Variants in NRXN3 observed in about 807,000 individuals in gnomAD.
NRXN3 encodes neurexin 3.
A neutral mutation model predicts 137.6 loss-of-function variants in NRXN3; 32 were observed. The observed-to-expected ratio is 0.23, with a 90% CI of 0.18 to 0.31. NRXN3 has a LOEUF of 0.31. NRXN3 is among the 10% of genes least tolerant of loss of function. The pLI, the probability that NRXN3 is intolerant of heterozygous loss-of-function variation, is 1.00. For synonymous variants in NRXN3, 798 were observed against 784.5 expected (o/e 1.02, Z -0.29); for missense variants, 1,574 against 2,062.5 (o/e 0.76, Z 4.59).
chr14:78,327,804 G>A (rs2080286516), intron 4 of NRXN3, among the ~76,000 whole-genome samples: 1 of 152,142 alleles, frequency 6.6e-6, no homozygotes, highest in Admixed American at 6.5e-5. Context: ...AAGATAACAG[G>A]AGTGGGAGCC....
intron 15 of NRXN3, among the ~76,000 whole-genome samples, chr14:79,352,261 A>G (rs998905222): frequency 1.3e-5 from 2 of 152,112 alleles, no homozygotes; most frequent in Admixed American, 6.5e-5. Flanking sequence ...CTGGCTAATC[A>G]TCCAGATGTT....
chr14:78,873,521 A>G lies in NRXN3; in HGVS notation c.2275+63177A>G, dbSNP rs154309. Among the ~76,000 whole-genome samples, 1,320 of 152,336 alleles carry G rather than the reference A, an allele frequency of 8.7e-3. 15 individuals are homozygous for G. The highest frequency in any genetic ancestry group is 0.031 in the African/African-American group (1,276 of 41,564). ...TGTGGCCTTTATTCATTTGTTCAAC[A>G]GGCTTTTACTGCTTGCCTATCATGG... On this transcript the variant is annotated intron_variant, in intron 10 of 20. Coordinates refer to ENST00000335750, the MANE Select transcript of NRXN3 (RefSeq NM_001330195.2).
At chr14:78,873,569 A>G (rs1338393604) in intron 10 of NRXN3, among the ~76,000 whole-genome samples, 2 of 152,242 alleles carry the variant, frequency 1.3e-5, no homozygotes, top group East Asian at 3.9e-4. Context: ...ACATCATTTC[A>G]GTTAACTGAA....
intron 20 of NRXN3, among the ~76,000 whole-genome samples, chr14:79,834,881 G>A (rs918024231): frequency 1.3e-5 from 2 of 151,896 alleles, no homozygotes; most frequent in African/African-American, 2.4e-5. Context: ...GTTCTTTTTC[G>A]TTTCATGCCA....
At chr14:78,341,621 C>G (rs1212895987) in intron 4 of NRXN3, among the ~76,000 whole-genome samples, 1 of 152,194 alleles carries the variant, frequency 6.6e-6, no homozygotes, top group Non-Finnish European at 1.5e-5. Context: ...AGGTGATTCT[C>G]ATGTGCTCCC....
rs796631147 is a variant in NRXN3, at chr14:79,348,372, T to TTC, written c.3263-118843_3263-118842dup. ...TTGGTAGTTAGTTTTATAGTTAATC[T>TTC]TCTCTCTTTTTTTTTTTTTTTGAGA... On this transcript the variant is annotated intron_variant, in intron 15 of 20. Transcript: ENST00000335750. 1.4e-4 allele frequency among the ~76,000 whole-genome samples: 17 copies of TTC among 119,620 alleles called. No homozygotes were observed. In the South Asian group the frequency reaches 1.4e-3, roughly 10 times the overall value. 78.5% of individuals were successfully genotyped at this position (119,620 alleles called of 152,430 possible).
chr14:79,052,236 T>C (rs925079539), intron 15 of NRXN3, among the ~76,000 whole-genome samples: 1 of 152,196 alleles, frequency 6.6e-6, no homozygotes, highest in Non-Finnish European at 1.5e-5. Context: ...ATTCTGTACA[T>C]TTACGGGATC....
At chr14:78,415,974 A>T (rs2153669870) in intron 4 of NRXN3, among the ~76,000 whole-genome samples, 1 of 152,208 alleles carries the variant, frequency 6.6e-6, no homozygotes, top group South Asian at 2.1e-4. Context: ...GTACTCTGTT[A>T]TAGCAGCCTG....
intron 4 of NRXN3, among the ~76,000 whole-genome samples, chr14:78,589,348 C>T (rs1477043182): frequency 6.6e-6 from 1 of 152,134 alleles, no homozygotes; most frequent in Non-Finnish European, 1.5e-5. Context: ...ATGCTAACAG[C>T]TACTGTTCCT....
At chr14:79,240,480 A>T (rs2074099768) in intron 15 of NRXN3, among the ~76,000 whole-genome samples, 1 of 152,156 alleles carries the variant, frequency 6.6e-6, no homozygotes. Context: ...AGGTACTCAC[A>T]GCTTGCTGAA....
At chr14:79,754,587 C>CACACACAT (rs1555692394) in intron 19 of NRXN3, among the ~76,000 whole-genome samples, 1 of 127,812 alleles carries the variant, frequency 7.8e-6, no homozygotes, top group Non-Finnish European at 1.6e-5. Flanking sequence ...CACACACACA[C>CACACACAT]ACATATATAT....
At chr14:79,153,394 C>G (rs1321073751) in intron 15 of NRXN3, among the ~76,000 whole-genome samples, 1 of 151,856 alleles carries the variant, frequency 6.6e-6, no homozygotes, top group East Asian at 1.9e-4. Flanking sequence ...ACAAGCATTT[C>G]CTCTTTTTAT....
intron 10 of NRXN3, among the ~76,000 whole-genome samples, chr14:78,916,106 A>G (rs1597351741): frequency 6.6e-6 from 1 of 152,108 alleles, no homozygotes; most frequent in East Asian, 2.0e-4. Flanking sequence ...AAAAATTGTG[A>G]TAGCCTTGAG....
chr14:79,753,119 G>A (rs548477510), intron 19 of NRXN3, among the ~76,000 whole-genome samples: 4 of 151,948 alleles, frequency 2.6e-5, no homozygotes, highest in East Asian at 3.9e-4. Flanking sequence ...TACACTGTTG[G>A]TGGGACTGTA....
chr14:78,238,725 GGAAA>G (rs1438735117), intron 1 of NRXN3, among the ~76,000 whole-genome samples: 9 of 152,318 alleles, frequency 5.9e-5, no homozygotes, highest in South Asian at 2.1e-4. Context: ...TCTGCCTGTG[GGAAA>G]GAAAGCTTGG....
At chr14:78,644,799 C>T (rs1325695759) in intron 4 of NRXN3, among the ~76,000 whole-genome samples, 3 of 152,214 alleles carry the variant, frequency 2.0e-5, no homozygotes, top group Non-Finnish European at 2.9e-5. Flanking sequence ...AAAAGCAACT[C>T]GAGCCTCACT....
chr14:79,042,035 T>C (rs1344592743), intron 15 of NRXN3, among the ~76,000 whole-genome samples: 1 of 152,148 alleles, frequency 6.6e-6, no homozygotes, highest in African/African-American at 2.4e-5. Flanking sequence ...GAAACAGATA[T>C]GCCTAGCAAG....
chr14:78,269,483 A>C (rs151176066), intron 2 of NRXN3, among the ~76,000 whole-genome samples: 1 of 152,296 alleles, frequency 6.6e-6, no homozygotes, highest in African/African-American at 2.4e-5. Flanking sequence ...AAGAGTTTCA[A>C]TTTTGCAAGA....
intron 15 of NRXN3, among the ~76,000 whole-genome samples, chr14:79,437,329 A>G (rs1416728184): frequency 6.6e-6 from 1 of 151,848 alleles, no homozygotes; most frequent in African/African-American, 2.4e-5. Flanking sequence ...CCTAATTTTC[A>G]TTGTGATGAA....
Sources: gnomAD v4.1 joint callset for allele counts (sites outside exome capture counted in the v4.1 genomes callset) on GRCh38, gnomAD v4.1.1 for gene constraint, MANE v1.5 for transcripts, NCBI Gene and HGNC (gene_info 2026-07-23, HGNC 2026-07-21) for gene names.